Variants in LSAMP observed in about 807,000 individuals in gnomAD.
LSAMP encodes limbic system associated membrane protein, also known as limbic system-associated membrane protein.
LSAMP carries 7 observed loss-of-function variants against 38.6 expected under a neutral mutation model. That is an observed-to-expected ratio of 0.18 (90% confidence interval 0.10 to 0.34). LSAMP has a LOEUF of 0.34. Among genes scored for constraint, LSAMP ranks in the 10% least tolerant of loss-of-function variants. LSAMP has a pLI of 1.00. For missense variants in LSAMP, 313 were observed against 420.0 expected, an observed-to-expected ratio of 0.75 and a Z score of 2.23; for synonymous variants, 154 against 166.8, an observed-to-expected ratio of 0.92 and a Z score of 0.59.
chr3:116,012,291 T>C (rs185248436), intron 3 of LSAMP, among the ~76,000 whole-genome samples: 41 of 152,344 alleles, frequency 2.7e-4, no homozygotes, highest in Admixed American at 2.5e-3. Context: ...TGTTTATTTT[T>C]CTGTGTAACT....
At chr3:116,345,742 C>A (rs1301497509) in intron 1 of LSAMP, among the ~76,000 whole-genome samples, 1 of 151,896 alleles carries the variant, frequency 6.6e-6, no homozygotes, top group East Asian at 1.9e-4. Context: ...TTGTTAATAT[C>A]TAGCCCAGGA....
chr3:116,046,770 A>C (rs1238717702), intron 2 of LSAMP, among the ~76,000 whole-genome samples: 2 of 152,230 alleles, frequency 1.3e-5, no homozygotes, highest in Non-Finnish European at 2.9e-5. Flanking sequence ...GAATTTCTAA[A>C]GGCAAAACAA....
rs74880140 is a variant in LSAMP at position 115,986,022 on chromosome 3, A to G, written c.514+33493T>C. Among the ~76,000 whole-genome samples the G allele has an allele frequency of 1.8e-3, 269 of 152,332 alleles. 1 individual carries two copies. Among genetic ancestry groups the G allele is most frequent in the African/African-American group, 6.4e-3 (265 of 41,578 alleles). The stretch of plus-strand genomic sequence containing the variant: ...ACAACTGCTTTTGGAAGAGATGATC[A>G]AAGGAGAGAATTGCCAAGTTTGCAA... On this transcript the variant is annotated intron_variant, in intron 3 of 6. Coordinates refer to ENST00000490035, the MANE Select transcript of LSAMP (RefSeq NM_002338.5).
At chr3:115,818,821 T>TATATATATATATATATATAA (rs1172422801) in intron 6 of LSAMP, among the ~76,000 whole-genome samples, 2 of 124,216 alleles carry the variant, frequency 1.6e-5, no homozygotes, top group South Asian at 2.7e-4. Context: ...TATATATATA[T>TATATATATATATATATATAA]AACTGCAGCA....
rs1933685210 is a variant in LSAMP at position 115,808,147 on chromosome 3, T to TCCCTCC, written c.*2169_*2170insGGAGGG. The TCCCTCC allele has an allele frequency of 9.5e-5, 5 of 52,910 alleles. No individual in the cohort carries two copies. Among genetic ancestry groups the TCCCTCC allele is most frequent in the African/African-American group, 4.2e-4 (5 of 12,020 alleles). The allele number at this position is 52,910 out of a possible 1,614,324, so 3.3% of individuals were successfully genotyped here. A position where few individuals can be genotyped will look rare whatever the true frequency, so the allele number is the denominator to read the frequency against. The stretch of plus-strand genomic sequence containing the variant: ...CTCCCTCCCTCCCTCCCTCCCTCCC[T>TCCCTCC]CCCCCCCTTCCCCGTCCCCCCCTCC... On this transcript the variant is annotated 3_prime_UTR_variant, in exon 7 of 7. Transcript: ENST00000490035.
At chr3:116,348,050 C>G (rs2048087506) in intron 1 of LSAMP, among the ~76,000 whole-genome samples, 1 of 151,938 alleles carries the variant, frequency 6.6e-6, no homozygotes, top group African/African-American at 2.4e-5. Context: ...CGGTGTATAT[C>G]TGGTACTCCA....
At chr3:116,154,077 A>G (rs1202428415) in intron 1 of LSAMP, among the ~76,000 whole-genome samples, 2 of 152,100 alleles carry the variant, frequency 1.3e-5, no homozygotes, top group African/African-American at 4.8e-5. Context: ...TACCTCATGG[A>G]GTGGTTGTGA....
Position 116,182,425 on chromosome 3 carries a change from T to G in LSAMP, c.156-95869A>C, listed in dbSNP as rs190735175. Among the ~76,000 whole-genome samples, 19 of 151,452 alleles carry G rather than the reference T, an allele frequency of 1.3e-4. No individual in the cohort carries two copies. In the East Asian group the frequency reaches 3.7e-3, roughly 29 times the overall value. Reference sequence around the variant, plus strand: ...TACAAGATGGTGAACAAAATAGAAATAGTCTAGCACTCATGAAACTTAGAG... The same window carrying G: ...TACAAGATGGTGAACAAAATAGAAAGAGTCTAGCACTCATGAAACTTAGAG... On this transcript the variant is annotated intron_variant, in intron 1 of 6. Coordinates refer to ENST00000490035, the MANE Select transcript of LSAMP (RefSeq NM_002338.5).
At chr3:115,988,121 T>TA (rs1381876530) in intron 3 of LSAMP, among the ~76,000 whole-genome samples, 1 of 152,188 alleles carries the variant, frequency 6.6e-6, no homozygotes, top group Non-Finnish European at 1.5e-5. Context: ...TAACTACAAG[T>TA]AAACCAGACA....
chr3:115,834,026 A>G (rs1439194124), intron 6 of LSAMP, among the ~76,000 whole-genome samples: 2 of 152,114 alleles, frequency 1.3e-5, no homozygotes, highest in Non-Finnish European at 2.9e-5. Context: ...TAAGACAGGT[A>G]CATTTAAAAG....
intron 1 of LSAMP, among the ~76,000 whole-genome samples, chr3:116,239,150 A>T (rs777545889): frequency 6.6e-6 from 1 of 152,180 alleles, no homozygotes; most frequent in Non-Finnish European, 1.5e-5. Flanking sequence ...TTCTTCTGTG[A>T]GGTTGCTGAC....
rs564592096 is a variant in LSAMP at position 116,319,015 on chromosome 3, A to C, written c.155+125862T>G. ...AAGCTAGTTATCGATGGCTTCCTTT[A>C]GTGAGGCAAAATAGTGTTGTATAGA... On this transcript the variant is annotated intron_variant, in intron 1 of 6. Coordinates refer to ENST00000490035, the MANE Select transcript of LSAMP (RefSeq NM_002338.5). Among the ~76,000 whole-genome samples the C allele has an allele frequency of 4.7e-5, 7 of 147,554 alleles. No homozygotes were observed. The South Asian group carries it at 1.5e-3, about 31-fold the overall frequency.
chr3:116,430,323 A>G (rs1316801361), intron 1 of LSAMP, among the ~76,000 whole-genome samples: 1 of 152,208 alleles, frequency 6.6e-6, no homozygotes, highest in Non-Finnish European at 1.5e-5. Flanking sequence ...TAAGCAAAGT[A>G]ATAATAGAAT....
At chr3:116,215,794 G>C (rs774904453) in intron 1 of LSAMP, among the ~76,000 whole-genome samples, 1 of 152,142 alleles carries the variant, frequency 6.6e-6, no homozygotes, top group Non-Finnish European at 1.5e-5. Context: ...CATGGTAGGC[G>C]GGGATAAGGG....
intron 2 of LSAMP, among the ~76,000 whole-genome samples, chr3:116,033,549 G>A (rs968880629): frequency 2.6e-5 from 4 of 152,026 alleles, no homozygotes; most frequent in African/African-American, 9.7e-5. Flanking sequence ...ACATAAACAC[G>A]CACAACACCT....
chr3:116,394,277 T>C (rs911845599), intron 1 of LSAMP, among the ~76,000 whole-genome samples: 1 of 152,204 alleles, frequency 6.6e-6, no homozygotes, highest in Non-Finnish European at 1.5e-5. Flanking sequence ...AAATTTCTTA[T>C]AGATGAAAGG....
At chr3:116,409,164 A>G (rs2048938466) in intron 1 of LSAMP, among the ~76,000 whole-genome samples, 1 of 152,022 alleles carries the variant, frequency 6.6e-6, no homozygotes, top group Non-Finnish European at 1.5e-5. Flanking sequence ...AGACACAGTA[A>G]AAGTTTAACT....
At chr3:116,113,415 TATATA>T (rs1197663213) in intron 1 of LSAMP, among the ~76,000 whole-genome samples, 2 of 68,112 alleles carry the variant, frequency 2.9e-5, no homozygotes, top group African/African-American at 6.4e-5. Context: ...TATATATATA[TATATA>T]TTTTTTTTTT....
At chr3:116,348,461 C>T (rs1449976883) in intron 1 of LSAMP, among the ~76,000 whole-genome samples, 1 of 152,072 alleles carries the variant, frequency 6.6e-6, no homozygotes, top group African/African-American at 2.4e-5. Context: ...TTGTTTCATC[C>T]TGTCCTATGA....
Sources: allele counts gnomAD v4.1 joint callset (sites outside exome capture counted in the v4.1 genomes callset), GRCh38; gene constraint gnomAD v4.1.1; transcripts MANE v1.5; gene names NCBI Gene and HGNC (gene_info 2026-07-23, HGNC 2026-07-21).